The following SPAG16 variants were observed in gnomAD, a reference collection of about 807,000 sequenced individuals.
SPAG16 encodes the protein sperm-associated antigen 16 protein.
In SPAG16, 86 loss-of-function variants were observed where a neutral mutation model predicts 80.4. The observed-to-expected ratio is 1.07, with a 90% CI of 0.90 to 1.28. SPAG16 has a LOEUF of 1.28. Ranked by LOEUF, SPAG16 falls within the 50% of genes most tolerant of loss-of-function variation. The pLI is 0.00. For missense variants in SPAG16, 870 were observed against 765.3 expected, an observed-to-expected ratio of 1.14 and a Z score of -1.61; for synonymous variants, 294 against 265.9, an observed-to-expected ratio of 1.11 and a Z score of -1.03.
intron 10 of SPAG16, among the ~76,000 whole-genome samples, chr2:213,686,046 C>T (rs917652535): frequency 6.6e-6 from 1 of 152,094 alleles, no homozygotes; most frequent in Admixed American, 6.5e-5. Context: ...AGTTAACATC[C>T]AATCATCTCA....
At chr2:213,732,519 T>C (rs1246499721) in intron 10 of SPAG16, among the ~76,000 whole-genome samples, 1 of 152,246 alleles carries the variant, frequency 6.6e-6, no homozygotes, top group Non-Finnish European at 1.5e-5. Context: ...CCAGCTTTGT[T>C]CTTTTTGCTT....
At chr2:213,804,438 C>T (rs2071614259) in intron 10 of SPAG16, among the ~76,000 whole-genome samples, 2 of 152,130 alleles carry the variant, frequency 1.3e-5, no homozygotes, top group South Asian at 4.1e-4. Flanking sequence ...AATCCCAGCA[C>T]TTTGGGAGGC....
intron 11 of SPAG16, among the ~76,000 whole-genome samples, chr2:213,865,669 TTA>T (rs1320172367): frequency 6.8e-6 from 1 of 148,126 alleles, no homozygotes; most frequent in Non-Finnish European, 1.5e-5. Context: ...ACTTCTGAAC[TTA>T]TATATATATA....
chr2:214,235,093 T>A (rs1688985338), intron 15 of SPAG16, among the ~76,000 whole-genome samples: 1 of 152,158 alleles, frequency 6.6e-6, no homozygotes, highest in African/African-American at 2.4e-5. Context: ...CACTGATGGA[T>A]TAATAAGTTA....
At chr2:214,391,296 A>T (rs1002314847) in intron 15 of SPAG16, among the ~76,000 whole-genome samples, 23 of 152,216 alleles carry the variant, frequency 1.5e-4, no homozygotes, top group Non-Finnish European at 3.1e-4. Flanking sequence ...ACACTTAAGG[A>T]AAATGAAGGT....
chr2:213,323,297 C>T (rs147725210), intron 5 of SPAG16, among the ~76,000 whole-genome samples: 8,196 of 152,038 alleles, frequency 0.054, 713 homozygotes, highest in African/African-American at 0.19. Flanking sequence ...AAAAATTAGC[C>T]GGGCATGGTG....
intron 9 of SPAG16, among the ~76,000 whole-genome samples, chr2:213,456,909 C>G (rs1240988901): frequency 6.6e-6 from 1 of 151,778 alleles, no homozygotes. Context: ...TCTAACATTC[C>G]TAATTAATTA....
chr2:214,041,553 A>G (rs1353842522), intron 13 of SPAG16, among the ~76,000 whole-genome samples: 3 of 151,474 alleles, frequency 2.0e-5, no homozygotes, highest in African/African-American at 7.3e-5. Context: ...GGAAGATTTT[A>G]TAAGGGACTA....
intron 9 of SPAG16, among the ~76,000 whole-genome samples, chr2:213,403,611 G>A (rs2068448824): frequency 6.6e-6 from 1 of 152,136 alleles, no homozygotes. Flanking sequence ...TACTGAATGG[G>A]CAAAAACTGG....
chr2:213,739,055 ATCT>A (rs1175177205), intron 10 of SPAG16, among the ~76,000 whole-genome samples: 3 of 152,224 alleles, frequency 2.0e-5, no homozygotes, highest in East Asian at 1.9e-4. Context: ...AAAATCAATC[ATCT>A]TCTGCTCATG....
chr2:213,292,523 G>T (rs1171316168), intron 1 of SPAG16, among the ~76,000 whole-genome samples: 1 of 150,794 alleles, frequency 6.6e-6, no homozygotes, highest in Non-Finnish European at 1.5e-5. Flanking sequence ...AATTAGCCGG[G>T]CGTAGTGGCG....
intron 7 of SPAG16, among the ~76,000 whole-genome samples, chr2:213,360,461 G>T (rs935572854): frequency 2.0e-5 from 3 of 152,112 alleles, no homozygotes; most frequent in African/African-American, 7.2e-5. Context: ...CTAAACCAAG[G>T]CTCAATTAAC....
At chr2:214,106,225 G>T (rs2053376446) in intron 13 of SPAG16, among the ~76,000 whole-genome samples, 1 of 152,044 alleles carries the variant, frequency 6.6e-6, no homozygotes. Context: ...CTGTATATTA[G>T]TTCTCAAAAT....
intron 10 of SPAG16, among the ~76,000 whole-genome samples, chr2:213,615,996 A>G (rs947582609): frequency 6.6e-6 from 1 of 152,220 alleles, no homozygotes; most frequent in Admixed American, 6.5e-5. Context: ...CCACCATGGC[A>G]CATGTATACC....
chr2:213,713,243 T>C (rs912316265), intron 10 of SPAG16, among the ~76,000 whole-genome samples: 3 of 152,164 alleles, frequency 2.0e-5, no homozygotes, highest in Admixed American at 6.5e-5. Context: ...AGCCAAACCA[T>C]ACCACTGCCT....
intron 15 of SPAG16, among the ~76,000 whole-genome samples, chr2:214,195,258 C>T (rs1351362761): frequency 6.7e-6 from 1 of 149,448 alleles, no homozygotes; most frequent in South Asian, 2.1e-4. Context: ...GGCAGAGTGA[C>T]CAGGGGAAGA....
chr2:213,439,077 G>T (rs747680812), intron 9 of SPAG16, among the ~76,000 whole-genome samples: 1 of 152,142 alleles, frequency 6.6e-6, no homozygotes, highest in Non-Finnish European at 1.5e-5. Flanking sequence ...TTGCAACCTG[G>T]TTAACACCTT....
chr2:214,407,391 GAC>G (rs1702051826), intron 15 of SPAG16, among the ~76,000 whole-genome samples: 1 of 151,948 alleles, frequency 6.6e-6, no homozygotes, highest in African/African-American at 2.4e-5. Flanking sequence ...TTTTTAAAGA[GAC>G]ATATTTACTT....
intron 12 of SPAG16, among the ~76,000 whole-genome samples, chr2:214,012,768 C>T (rs1184620947): frequency 1.3e-5 from 2 of 152,108 alleles, no homozygotes; most frequent in African/African-American, 2.4e-5. Context: ...ATGTATACTC[C>T]GTTTCATTGA....
Sources: gnomAD v4.1 joint callset for allele counts (sites outside exome capture counted in the v4.1 genomes callset) on GRCh38, gnomAD v4.1.1 for gene constraint, MANE v1.5 for transcripts, NCBI Gene and HGNC (gene_info 2026-07-23, HGNC 2026-07-21) for gene names.